Variants in TMEM135 observed in about 807,000 individuals in gnomAD.
TMEM135 encodes the protein transmembrane protein 135, also known as peroxisomal membrane protein 52.
In TMEM135, 30 loss-of-function variants were observed where a neutral mutation model predicts 60.3. The observed-to-expected ratio is 0.50, with a 90% CI of 0.37 to 0.68. The LOEUF is 0.68. Among genes scored for constraint, TMEM135 ranks in the 30% least tolerant of loss-of-function variants. TMEM135 has a pLI of 0.00. For missense variants in TMEM135, 468 were observed against 548.8 expected (o/e 0.85, Z 1.47); for synonymous variants, 190 against 186.7 (o/e 1.02, Z -0.14).
intron 6 of TMEM135, among the ~76,000 whole-genome samples, chr11:87,252,741 A>G (rs917842662): frequency 1.3e-5 from 2 of 151,016 alleles, no homozygotes; most frequent in Non-Finnish European, 2.9e-5. Flanking sequence ...ATTGCACTCC[A>G]GCCTGGGCAA....
chr11:87,203,585 G>A (rs1465400124), intron 5 of TMEM135, among the ~76,000 whole-genome samples: 1 of 152,036 alleles, frequency 6.6e-6, no homozygotes, highest in South Asian at 2.1e-4. Context: ...CCTTCTGGAT[G>A]TACCAGTTTA....
chr11:87,288,172 G>A (rs656704), intron 6 of TMEM135, among the ~76,000 whole-genome samples: 78,854 of 151,936 alleles, frequency 0.52, 20,627 homozygotes, highest in African/African-American at 0.55. Flanking sequence ...ATAATAAACA[G>A]CATTTTATAT....
intron 3 of TMEM135, among the ~76,000 whole-genome samples, chr11:87,077,660 A>G (rs60711353): frequency 6.6e-6 from 1 of 152,160 alleles, no homozygotes; most frequent in African/African-American, 2.4e-5. Flanking sequence ...TTTGTTTTTA[A>G]TATATTCACA....
At chr11:87,110,758 A>ATG (rs201687021) in intron 4 of TMEM135, among the ~76,000 whole-genome samples, 5 of 151,762 alleles carry the variant, frequency 3.3e-5, no homozygotes, top group South Asian at 2.1e-4. Flanking sequence ...TTTTAAAGGA[A>ATG]TGTGTGTGTG....
intron 6 of TMEM135, among the ~76,000 whole-genome samples, chr11:87,270,421 A>G (rs1419393618): frequency 1.3e-5 from 2 of 152,320 alleles, no homozygotes; most frequent in East Asian, 1.9e-4. Context: ...GTCCTTGTCC[A>G]TAAAAATGGC....
At chr11:87,087,304 AAAACCT>A (rs1203544935) in intron 3 of TMEM135, among the ~76,000 whole-genome samples, 2 of 151,976 alleles carry the variant, frequency 1.3e-5, no homozygotes, top group South Asian at 4.2e-4. Context: ...AAAAAAAAAA[AAAACCT>A]TCAGGTTATG....
intron 5 of TMEM135, among the ~76,000 whole-genome samples, chr11:87,233,879 A>G (rs1940939837): frequency 6.6e-6 from 1 of 152,064 alleles, no homozygotes; most frequent in African/African-American, 2.4e-5. Flanking sequence ...CTCAGCTCTA[A>G]AATTCTGTAA....
At chr11:87,196,571 A>G (rs1457914464) in intron 5 of TMEM135, among the ~76,000 whole-genome samples, 1 of 152,054 alleles carries the variant, frequency 6.6e-6, no homozygotes, top group African/African-American at 2.4e-5. Context: ...TCTCTTGTTT[A>G]TAGTGGGGAA....
intron 5 of TMEM135, among the ~76,000 whole-genome samples, chr11:87,203,361 A>G (rs1163452507): frequency 6.6e-6 from 1 of 152,012 alleles, no homozygotes; most frequent in Non-Finnish European, 1.5e-5. Context: ...CCCTCTATTC[A>G]TCCTTTAACC....
chr11:87,272,442 G>T (rs2135412209), intron 6 of TMEM135, among the ~76,000 whole-genome samples: 1 of 151,752 alleles, frequency 6.6e-6, no homozygotes. Context: ...GCACTGTGAT[G>T]ATTCTTAAAA....
At chr11:87,200,385 T>C (rs900990986) in intron 5 of TMEM135, among the ~76,000 whole-genome samples, 2 of 152,214 alleles carry the variant, frequency 1.3e-5, no homozygotes, top group Non-Finnish European at 2.9e-5. Flanking sequence ...CTCTGTAAAG[T>C]ATATAGGTAA....
At chr11:87,058,803 G>A (rs1172966645) in intron 1 of TMEM135, among the ~76,000 whole-genome samples, 2 of 151,572 alleles carry the variant, frequency 1.3e-5, no homozygotes, top group East Asian at 3.9e-4. Flanking sequence ...TGTATTTTTA[G>A]TAGAGACGGG....
intron 4 of TMEM135, among the ~76,000 whole-genome samples, chr11:87,124,133 C>T (rs2512342): frequency 0.48 from 72,483 of 151,938 alleles, 17,580 homozygotes; most frequent in East Asian, 0.67. Context: ...CAATGTTTCA[C>T]GTCTAATTTA....
intron 4 of TMEM135, among the ~76,000 whole-genome samples, chr11:87,136,967 A>G (rs552648447): frequency 6.6e-6 from 1 of 152,136 alleles, no homozygotes; most frequent in East Asian, 1.9e-4. Flanking sequence ...GTTTAGTGCA[A>G]TGCTCTATAA....
rs1565160979 is a variant in TMEM135 at position 87,295,733 on chromosome 11, TG to T, written c.510-48del. 7.4e-6 allele frequency: 11 copies of T among 1,495,008 alleles called. No individual in the cohort carries two copies. In the Middle Eastern group the frequency reaches 6.9e-4, roughly 94 times the overall value. The allele number at this position is 1,495,008 out of a possible 1,614,324, so 92.6% of individuals were successfully genotyped here. A position where few individuals can be genotyped will look rare whatever the true frequency, so the allele number is the denominator to read the frequency against. ...TTCAGAAAAAAATTGAATAGGTACTTGTATCTCAAAATATGTTATTTTATGA... is the reference window on the plus strand; with the variant it reads ...TTCAGAAAAAAATTGAATAGGTACTTTATCTCAAAATATGTTATTTTATGA... On this transcript the variant is annotated intron_variant, in intron 6 of 14. Transcript: ENST00000305494.
At chr11:87,284,985 T>A (rs1942137505) in intron 6 of TMEM135, among the ~76,000 whole-genome samples, 1 of 152,206 alleles carries the variant, frequency 6.6e-6, no homozygotes, top group Admixed American at 6.5e-5. Context: ...AACCACACAC[T>A]ACAAGTTTTG....
At chr11:87,181,802 C>G (rs1939522388) in intron 5 of TMEM135, among the ~76,000 whole-genome samples, 1 of 152,048 alleles carries the variant, frequency 6.6e-6, no homozygotes, top group African/African-American at 2.4e-5. Flanking sequence ...GCTCAGAACA[C>G]TTTGGTTCTA....
intron 1 of TMEM135, among the ~76,000 whole-genome samples, chr11:87,045,050 G>C (rs933623943): frequency 6.6e-6 from 1 of 151,742 alleles, no homozygotes; most frequent in Non-Finnish European, 1.5e-5. Context: ...ATTTTTTTGA[G>C]ACGGAGTCTG....
At chr11:87,160,682 G>T (rs562676111) in intron 5 of TMEM135, among the ~76,000 whole-genome samples, 1 of 152,230 alleles carries the variant, frequency 6.6e-6, no homozygotes, top group East Asian at 1.9e-4. Flanking sequence ...AAGATAATCA[G>T]CAATGACTTT....
Sources: allele counts gnomAD v4.1 joint callset (sites outside exome capture counted in the v4.1 genomes callset), GRCh38; gene constraint gnomAD v4.1.1; transcripts MANE v1.5; gene names NCBI Gene and HGNC (gene_info 2026-07-23, HGNC 2026-07-21).